EYA2: variants seen among roughly 807,000 people sequenced by gnomAD.
EYA2 encodes the protein protein phosphatase EYA2.
A neutral mutation model predicts 69.2 loss-of-function variants in EYA2; 31 were observed. The observed-to-expected ratio is 0.45, with a 90% CI of 0.34 to 0.60. EYA2 has a LOEUF of 0.60. EYA2 is among the 20% of genes least tolerant of loss of function. The pLI is 0.02. For synonymous variants in EYA2, 257 were observed against 279.4 expected (o/e 0.92, Z 0.80); for missense variants, 622 against 701.2 (o/e 0.89, Z 1.28).
intron 5 of EYA2, among the ~76,000 whole-genome samples, chr20:47,016,770 G>A (rs1010699700): frequency 3.3e-5 from 5 of 152,220 alleles, no homozygotes; most frequent in African/African-American, 1.2e-4. Flanking sequence ...TGGATGTATT[G>A]GAGGCACAGA....
At chr20:47,033,230 A>G (rs4810591) in intron 5 of EYA2, among the ~76,000 whole-genome samples, 103,340 of 152,020 alleles carry the variant, frequency 0.68, 36,867 homozygotes, top group Non-Finnish European at 0.8. Context: ...ACCGAAGCCT[A>G]CTAGAGACAA....
At chr20:46,950,722 G>GC (rs1226916643) in intron 1 of EYA2, among the ~76,000 whole-genome samples, 1 of 152,174 alleles carries the variant, frequency 6.6e-6, no homozygotes, top group Non-Finnish European at 1.5e-5. Flanking sequence ...TTTAGCAGAG[G>GC]CCCCAGCGAG....
At chr20:47,072,982 A>G (rs2031372954) in intron 6 of EYA2, among the ~76,000 whole-genome samples, 1 of 152,232 alleles carries the variant, frequency 6.6e-6, no homozygotes. Context: ...GCAAATGTAA[A>G]AATTGTTTCA....
intron 7 of EYA2, among the ~76,000 whole-genome samples, chr20:47,080,127 G>A (rs1020784545): frequency 3.4e-4 from 51 of 152,014 alleles, no homozygotes; most frequent in African/African-American, 1.1e-3. Context: ...AAGAATCAAG[G>A]CATACAAAGC....
At chr20:46,956,116 A>G (rs1250633716) in intron 1 of EYA2, among the ~76,000 whole-genome samples, 2 of 152,208 alleles carry the variant, frequency 1.3e-5, no homozygotes, top group Non-Finnish European at 2.9e-5. Context: ...AGATGTATTC[A>G]GGTTTGGTGT....
chr20:47,154,142 G>C (rs2033875608), intron 10 of EYA2, among the ~76,000 whole-genome samples: 1 of 151,980 alleles, frequency 6.6e-6, no homozygotes. Flanking sequence ...TTGGTTTCTG[G>C]TGAGGGCCCT....
chr20:47,135,818 C>CGAAAAAAAAAA, intron 9 of EYA2, among the ~76,000 whole-genome samples: 1 of 33,262 alleles, frequency 3.0e-5, no homozygotes, highest in Non-Finnish European at 5.5e-5. Context: ...CCTGTCTCTA[C>CGAAAAAAAAAA]AAAAAAAAAA....
In EYA2 at chr20:47,004,957, C is replaced by T. The variant is rs1600631366; in HGVS notation, c.171C>T (p.Val57=). 3.2e-5 allele frequency: 51 copies of T among 1,614,122 alleles called. No homozygotes were observed. The highest frequency in any genetic ancestry group is 4.2e-5 in the Non-Finnish European group (50 of 1,179,986). Reference sequence around the variant, plus strand: ...TTCCACACAGATCTTGCCCACGTGTCCTCCCCCGCCAGCCTTCCACAGCCA... The same window carrying T: ...TTCCACACAGATCTTGCCCACGTGTTCTCCCCCGCCAGCCTTCCACAGCCA... ...SQLFSRSCPR[V]LPRQPSTAMA... The change falls in exon 4 of 16, where the codon GTC becomes GTT. Residue 57 remains valine (V), a synonymous_variant. Transcript: ENST00000327619.
intron 5 of EYA2, among the ~76,000 whole-genome samples, chr20:47,041,772 T>A (rs913265173): frequency 2.6e-5 from 4 of 152,186 alleles, no homozygotes; most frequent in Admixed American, 6.5e-5. Flanking sequence ...TAGTAAATGT[T>A]TCCTGTACTT....
At chr20:47,047,374 T>G (rs1226894272) in intron 5 of EYA2, among the ~76,000 whole-genome samples, 1 of 151,378 alleles carries the variant, frequency 6.6e-6, no homozygotes, top group East Asian at 1.9e-4. Flanking sequence ...CAGGCACTGC[T>G]TTATTTTTTG....
intron 1 of EYA2, among the ~76,000 whole-genome samples, chr20:46,929,733 G>A (rs1380668752): frequency 1.3e-5 from 2 of 152,044 alleles, no homozygotes; most frequent in Admixed American, 1.3e-4. Context: ...GAGGCTGGGT[G>A]CGGTGGCTCA....
At chr20:47,039,013 C>G (rs6094564) in intron 5 of EYA2, among the ~76,000 whole-genome samples, 5 of 152,154 alleles carry the variant, frequency 3.3e-5, no homozygotes, top group African/African-American at 1.2e-4. Context: ...ATCACCCAGC[C>G]TGGGTCCCTG....
At chr20:47,095,368 A>G (rs1354609084) in intron 8 of EYA2, among the ~76,000 whole-genome samples, 2 of 152,112 alleles carry the variant, frequency 1.3e-5, no homozygotes, top group Admixed American at 6.5e-5. Flanking sequence ...TGATTTGACT[A>G]TTGGGAATTT....
intron 14 of EYA2, among the ~76,000 whole-genome samples, chr20:47,182,197 T>G (rs975695253): frequency 6.6e-6 from 1 of 151,914 alleles, no homozygotes; most frequent in Admixed American, 6.5e-5. Flanking sequence ...GTATTTTTAG[T>G]AGAGACGGGG....
chr20:47,026,339 AT>A (rs2146389169), intron 5 of EYA2, among the ~76,000 whole-genome samples: 1 of 152,314 alleles, frequency 6.6e-6, no homozygotes, highest in African/African-American at 2.4e-5. Flanking sequence ...AATAAGCACA[AT>A]TTTTTATAAC....
intron 1 of EYA2, among the ~76,000 whole-genome samples, chr20:46,985,372 C>T (rs1439711316): frequency 6.6e-6 from 1 of 152,156 alleles, no homozygotes; most frequent in African/African-American, 2.4e-5. Context: ...GTGAATACAC[C>T]AGAAGCCTTA....
At chr20:47,040,378 G>A (rs563097044) in intron 5 of EYA2, among the ~76,000 whole-genome samples, 13 of 152,274 alleles carry the variant, frequency 8.5e-5, no homozygotes, top group South Asian at 4.1e-4. Flanking sequence ...GCCTGTCTCC[G>A]TATCTCCCTC....
chr20:47,018,368 G>A (rs572351510), intron 5 of EYA2, among the ~76,000 whole-genome samples: 1 of 152,352 alleles, frequency 6.6e-6, no homozygotes, highest in Admixed American at 6.5e-5. Flanking sequence ...TCTAGGCACT[G>A]AGGGCACAGC....
intron 7 of EYA2, among the ~76,000 whole-genome samples, chr20:47,088,676 C>T (rs2031975805): frequency 6.6e-6 from 1 of 152,162 alleles, no homozygotes; most frequent in Non-Finnish European, 1.5e-5. Flanking sequence ...CAACCTCTAA[C>T]TCCTGGGCTC....
Sources: allele counts gnomAD v4.1 joint callset (sites outside exome capture counted in the v4.1 genomes callset), GRCh38; gene constraint gnomAD v4.1.1; transcripts MANE v1.5; gene names NCBI Gene and HGNC (gene_info 2026-07-23, HGNC 2026-07-21).